Variants in EXOC4 observed in about 807,000 individuals in gnomAD.
The protein encoded by EXOC4 is exocyst complex component 4, also known as SEC8-like 1.
In EXOC4, 71 loss-of-function variants were observed where a neutral mutation model predicts 107.2. The observed-to-expected ratio is 0.66, with a 90% CI of 0.55 to 0.81. The LOEUF (loss-of-function observed/expected upper bound fraction) is 0.81. Ranked by LOEUF, EXOC4 falls within the 30% of genes least tolerant of loss-of-function variation. EXOC4 has a pLI of 0.00. For missense variants in EXOC4, 1,108 were observed against 1,189.6 expected (o/e 0.93, Z 1.01); for synonymous variants, 456 against 441.2 (o/e 1.03, Z -0.42).
chr7:133,963,158 G>A (rs749720686), intron 14 of EXOC4, among the ~76,000 whole-genome samples: 83 of 152,236 alleles, frequency 5.5e-4, no homozygotes, highest in South Asian at 2.1e-4. Context: ...AATCACTCAC[G>A]GCAGTTGTGC....
chr7:133,903,948 G>A (rs1328596746), intron 12 of EXOC4, among the ~76,000 whole-genome samples: 1 of 152,162 alleles, frequency 6.6e-6, no homozygotes, highest in Non-Finnish European at 1.5e-5. Flanking sequence ...CACGGACTGA[G>A]TGATAAATGT....
chr7:133,440,459 T>A (rs747258094), intron 7 of EXOC4, among the ~76,000 whole-genome samples: 1 of 151,982 alleles, frequency 6.6e-6, no homozygotes, highest in Non-Finnish European at 1.5e-5. Flanking sequence ...ATGATGTGAC[T>A]GGAAATGTCA....
chr7:133,649,671 G>C (rs962135367), intron 10 of EXOC4, among the ~76,000 whole-genome samples: 1 of 152,010 alleles, frequency 6.6e-6, no homozygotes, highest in Non-Finnish European at 1.5e-5. Flanking sequence ...AGTGGAATTG[G>C]GTTCAAGGCC....
At chr7:133,442,271 G>A (rs558543969) in intron 7 of EXOC4, among the ~76,000 whole-genome samples, 2 of 152,192 alleles carry the variant, frequency 1.3e-5, no homozygotes, top group African/African-American at 2.4e-5. Context: ...AAAGCCTAGC[G>A]TGAAGTGAGG....
chr7:133,930,594 G>A (rs781422603), intron 13 of EXOC4: 1 of 151,870 alleles, frequency 6.6e-6, no homozygotes, highest in Admixed American at 6.6e-5. Flanking sequence ...CAAAAACGGG[G>A]ATACAAAACG....
chr7:133,936,020 G>A (rs1352164222), intron 13 of EXOC4, among the ~76,000 whole-genome samples: 2 of 152,076 alleles, frequency 1.3e-5, no homozygotes, highest in Non-Finnish European at 2.9e-5. Flanking sequence ...ATTCAAACCT[G>A]GGTTTATCTC....
At chr7:133,670,456 C>T (rs953910675) in intron 10 of EXOC4, among the ~76,000 whole-genome samples, 8 of 152,310 alleles carry the variant, frequency 5.3e-5, no homozygotes, top group South Asian at 2.1e-4. Context: ...CTATTGCTAA[C>T]GAGCAGGCAG....
rs771340209 is a variant in EXOC4, at chr7:133,480,084, G to A, written c.1363G>A (p.Ala455Thr). 1.4e-5 allele frequency: 22 copies of A among 1,613,998 alleles called. No homozygotes were observed. The highest frequency in any genetic ancestry group is 1.7e-4 in the Middle Eastern group (1 of 6,052). ...GTCCTCCCATGCCATCAGTATGAGC[G>A]CCTATCTGCGAGAACAGAGAAGGGA... Reference protein sequence around the residue: ...ESSSHAISMSAYLREQRRELY... With the variant: ...ESSSHAISMSTYLREQRRELY... Residue 455 changes from alanine to threonine, a missense_variant, in exon 9 of 18, where the codon GCC becomes ACC. Transcript: ENST00000253861.
At chr7:133,483,489 C>A (rs1222662108) in intron 9 of EXOC4, among the ~76,000 whole-genome samples, 1 of 152,194 alleles carries the variant, frequency 6.6e-6, no homozygotes, top group Non-Finnish European at 1.5e-5. Context: ...GAAATCACTA[C>A]AATCTAACTA....
Position 133,356,342 on chromosome 7 carries a change from A to G in EXOC4, c.776A>G (p.Asn259Ser). 21 of 1,613,944 alleles carry G rather than the reference A, an allele frequency of 1.3e-5. No individual in the cohort carries two copies. Among genetic ancestry groups the G allele is most frequent in the Non-Finnish European group, 1.8e-5 (21 of 1,179,952 alleles). Residue 259 changes from asparagine to serine, a missense_variant, in exon 6 of 18, where the codon AAT becomes AGT. Coordinates refer to ENST00000253861, the MANE Select transcript of EXOC4 (RefSeq NM_021807.4). ...TTTAATTTTTCAGTGAGGGAGATAA[A>G]TCTGCAGGACATCAAGGAAGATTTA... ...TAGSSSVREI[N>S]LQDIKEDLEL...
intron 17 of EXOC4, among the ~76,000 whole-genome samples, chr7:134,024,694 A>C (rs1377801206): frequency 6.6e-6 from 1 of 152,190 alleles, no homozygotes; most frequent in Non-Finnish European, 1.5e-5. Context: ...ATAAACACAC[A>C]AAAGCCCAAG....
chr7:133,297,304 C>G (rs1168788403), intron 3 of EXOC4, among the ~76,000 whole-genome samples: 2 of 152,138 alleles, frequency 1.3e-5, no homozygotes, highest in Non-Finnish European at 2.9e-5. Flanking sequence ...CATGTTTGGA[C>G]TGACTTGCAC....
At chr7:133,532,637 A>G (rs1435187472) in intron 9 of EXOC4, among the ~76,000 whole-genome samples, 2 of 152,086 alleles carry the variant, frequency 1.3e-5, no homozygotes, top group Non-Finnish European at 2.9e-5. Flanking sequence ...GGGCAGTTTA[A>G]AAGTTGGCCA....
At chr7:133,847,381 A>T (rs1053016687) in intron 11 of EXOC4, among the ~76,000 whole-genome samples, 3 of 64,620 alleles carry the variant, frequency 4.6e-5, no homozygotes, top group East Asian at 4.7e-4. Context: ...TTATTTTTTT[A>T]ATTTTTTTTT....
chr7:133,506,940 A>G (rs1331128998), intron 9 of EXOC4, among the ~76,000 whole-genome samples: 1 of 151,962 alleles, frequency 6.6e-6, no homozygotes, highest in Non-Finnish European at 1.5e-5. Context: ...ACTGATTTTT[A>G]GATACTCTAT....
Position 133,298,641 on chromosome 7 carries a change from G to T in EXOC4, c.472-7236G>T, listed in dbSNP as rs189991823. ...AGTTTACAATTATCTTTCTCTTACC[G>T]TGTTACGTATAGTTTAATTTCTTCA... is the stretch of plus-strand genomic sequence containing the variant. On this transcript the variant is annotated intron_variant, in intron 3 of 17. Transcript: ENST00000253861. Among the ~76,000 whole-genome samples the T allele has an allele frequency of 1.3e-5, 2 of 152,144 alleles. 1 individual carries two copies. The highest frequency in any genetic ancestry group is 1.3e-4 in the Admixed American group (2 of 15,274).
intron 11 of EXOC4, among the ~76,000 whole-genome samples, chr7:133,851,810 A>C (rs1242531714): frequency 1.1e-4 from 17 of 152,298 alleles, no homozygotes; most frequent in Admixed American, 1.1e-3. Flanking sequence ...TGGCCATTGG[A>C]AGATTTTAAG....
At chr7:133,899,913 CT>C (rs1799413906) in intron 12 of EXOC4, among the ~76,000 whole-genome samples, 1 of 151,846 alleles carries the variant, frequency 6.6e-6, no homozygotes, top group Non-Finnish European at 1.5e-5. Context: ...GCCCAACTGT[CT>C]ATTTATTTAT....
intron 2 of EXOC4, among the ~76,000 whole-genome samples, chr7:133,283,344 G>A (rs974158595): frequency 1.3e-5 from 2 of 152,122 alleles, no homozygotes; most frequent in Non-Finnish European, 2.9e-5. Context: ...CAAAGTGGTG[G>A]GATTACAGGT....
Sources: allele counts gnomAD v4.1 joint callset (sites outside exome capture counted in the v4.1 genomes callset), GRCh38; gene constraint gnomAD v4.1.1; transcripts MANE v1.5; gene names NCBI Gene and HGNC (gene_info 2026-07-23, HGNC 2026-07-21).